Variants in PDXDC1 observed in about 807,000 individuals in gnomAD.
PDXDC1 encodes the protein pyridoxal dependent decarboxylase domain containing 1.
A neutral mutation model predicts 100.1 loss-of-function variants in PDXDC1; 42 were observed. That is an observed-to-expected ratio of 0.42 (90% CI 0.33 to 0.54). PDXDC1 has a LOEUF of 0.54. Among genes scored for constraint, PDXDC1 ranks in the 20% least tolerant of loss-of-function variants. The pLI is 0.10. For synonymous variants in PDXDC1, 260 were observed against 371.7 expected (o/e 0.70, Z 3.46); for missense variants, 636 against 979.2 (o/e 0.65, Z 4.68).
At position 15,136,071 on chromosome 16, in the gene PDXDC1, C is replaced by T. The variant is rs1016804541; in HGVS notation, c.1400-2808C>T. 151 of 1,578,460 alleles carry T rather than the reference C, an allele frequency of 9.6e-5. 1 individual carries two copies. Among genetic ancestry groups the T allele is most frequent in the South Asian group, 2.8e-4 (25 of 89,390 alleles). Reference sequence around the variant, plus strand: ...TCTCCAGGCTGAAGGCCTCGCCCTGCGGCGCTGGGCCCACCTCCACCCGCT... The same window carrying T: ...TCTCCAGGCTGAAGGCCTCGCCCTGTGGCGCTGGGCCCACCTCCACCCGCT... On this transcript the variant is annotated intron_variant, in intron 16 of 16. Coordinates refer to the PDXDC1 transcript ENST00000535621.
In PDXDC1 at chr16:15,084,818, C is replaced by G. The variant is rs1168826760; in HGVS notation, c.1400-54061C>G. 24 of 773,992 alleles carry G rather than the reference C, an allele frequency of 3.1e-5. No homozygotes were observed. The Middle Eastern group carries it at 1.1e-3, about 37-fold the overall frequency. The allele number at this position is 773,992 out of a possible 1,614,324, so 47.9% of individuals were successfully genotyped here. Reference sequence around the variant, plus strand: ...CAGTGGCTCACGCCTGTAATCCCAGCACTTTGGGAGGCCGAGGTGGGTGGA... The same window carrying G: ...CAGTGGCTCACGCCTGTAATCCCAGGACTTTGGGAGGCCGAGGTGGGTGGA... On this transcript the variant is annotated intron_variant, in intron 16 of 16. Transcript: ENST00000535621.
At chr16:15,058,508 C>T (rs1275066216) in intron 16 of PDXDC1, among the ~76,000 whole-genome samples, 1 of 152,120 alleles carries the variant, frequency 6.6e-6, no homozygotes, top group African/African-American at 2.4e-5. Context: ...GGACAGATTG[C>T]TTGAGGTTAG....
chr16:15,082,341 A>G (rs1239761387), intron 16 of PDXDC1, among the ~76,000 whole-genome samples: 1 of 151,596 alleles, frequency 6.6e-6, no homozygotes, highest in Non-Finnish European at 1.5e-5. Context: ...CCTTTGTTCT[A>G]TTGCTACAAA....
intron 16 of PDXDC1, chr16:15,128,260 A>G (rs1481218364): frequency 1.2e-6 from 2 of 1,610,942 alleles, no homozygotes; most frequent in Middle Eastern, 2.2e-4. Context: ...CACGCTACCC[A>G]GGCTGTGCGG....
chr16:15,094,986 T>C (rs2151835752), intron 16 of PDXDC1, among the ~76,000 whole-genome samples: 1 of 152,116 alleles, frequency 6.6e-6, no homozygotes. Flanking sequence ...TACAGGCGCA[T>C]GCCACCACAC....
chr16:15,050,511 C>T (rs1957101523), intron 16 of PDXDC1, among the ~76,000 whole-genome samples: 1 of 152,070 alleles, frequency 6.6e-6, no homozygotes, highest in South Asian at 2.1e-4. Flanking sequence ...GGAGGGAGGA[C>T]TGCTTGAGCC....
In PDXDC1 at chr16:15,032,998, A is replaced by T. The variant is rs772798549; in HGVS notation, c.1690+19A>T. The T allele has an allele frequency of 2.8e-6, 4 of 1,411,722 alleles. No homozygotes were observed. Among genetic ancestry groups the T allele is most frequent in the Non-Finnish European group, 3.0e-6 (3 of 995,212 alleles). 87.4% of individuals were successfully genotyped at this position (1,411,722 alleles called of 1,614,324 possible). A position where few individuals can be genotyped will look rare whatever the true frequency, so the allele number is the denominator to read the frequency against. The stretch of plus-strand genomic sequence containing the variant: ...AAAATAGGTAACTGCTTACTTTGTA[A>T]GTCAGCTGTGGGGTTTGGAAGGACA... On this transcript the variant is annotated intron_variant, in intron 18 of 22. Transcript: ENST00000396410.
intron 16 of PDXDC1, chr16:15,104,391 A>C (rs562565593): frequency 1.3e-6 from 2 of 1,596,006 alleles, no homozygotes; most frequent in African/African-American, 2.7e-5. Context: ...AAGGGGAGTG[A>C]GCAGACACAC....
chr16:15,131,506 G>T, intron 16 of PDXDC1: 3 of 1,607,894 alleles, frequency 1.9e-6, no homozygotes, highest in Non-Finnish European at 2.5e-6. Flanking sequence ...CCGCGGGTCC[G>T]AGCGCTTGCC....
At chr16:15,021,189 C>T (rs2042176173) in intron 12 of PDXDC1, among the ~76,000 whole-genome samples, 1 of 152,240 alleles carries the variant, frequency 6.6e-6, no homozygotes, top group Non-Finnish European at 1.5e-5. Context: ...CCAGCCTGGG[C>T]AATGTGGTCA....
At chr16:15,072,360 G>C (rs978921929) in intron 16 of PDXDC1, among the ~76,000 whole-genome samples, 1 of 152,100 alleles carries the variant, frequency 6.6e-6, no homozygotes, top group Non-Finnish European at 1.5e-5. Flanking sequence ...AAGAATAAAG[G>C]AAATACAGTT....
Position 15,037,358 on chromosome 16 carries a change from G to A in PDXDC1, c.*1083G>A, listed in dbSNP as rs1337940116. The A allele has an allele frequency of 6.6e-6, 1 of 152,152 alleles. No individual in the cohort carries two copies. The highest frequency in any genetic ancestry group is 1.5e-5 in the Non-Finnish European group (1 of 68,056). 9.4% of individuals were successfully genotyped at this position (152,152 alleles called of 1,614,324 possible). The stretch of plus-strand genomic sequence containing the variant: ...CAAGCTTTTGGGAGACCTGAAAATG[G>A]GAAAATTCACACTGGGTTTCTGGAC... On this transcript the variant is annotated 3_prime_UTR_variant, in exon 23 of 23. Coordinates refer to ENST00000396410, the MANE Select transcript of PDXDC1 (RefSeq NM_015027.4).
In PDXDC1 at chr16:14,978,240, G is replaced by A. The variant is rs1164244547; in HGVS notation, c.21+3020G>A. Among the ~76,000 whole-genome samples, 6 of 152,418 alleles carry A rather than the reference G, an allele frequency of 3.9e-5. No homozygotes were observed. In the East Asian group the frequency reaches 1.2e-3, roughly 29 times the overall value. On this transcript the variant is annotated intron_variant, in intron 1 of 22. Coordinates refer to ENST00000396410, the MANE Select transcript of PDXDC1 (RefSeq NM_015027.4). ...AGGGGCTTTGCCCCTGCCCCCCACTGTATGTCCAAGGCATAAGGAACAAGG... is the reference window on the plus strand; with the variant it reads ...AGGGGCTTTGCCCCTGCCCCCCACTATATGTCCAAGGCATAAGGAACAAGG...
rs569148843 is a variant in PDXDC1, at chr16:14,988,303, C to T, written c.22-9450C>T. 45 of 1,613,758 alleles carry T rather than the reference C, an allele frequency of 2.8e-5. No homozygotes were observed. In the South Asian group the frequency reaches 4.6e-4, roughly 17 times the overall value. ...TTACTCCTGCAGAGGGGCTTGGCTCCAGGCCCACAGTACTCGTTGTAGATG... is the reference window on the plus strand; with the variant it reads ...TTACTCCTGCAGAGGGGCTTGGCTCTAGGCCCACAGTACTCGTTGTAGATG... On this transcript the variant is annotated intron_variant, in intron 1 of 22. Coordinates refer to ENST00000396410, the MANE Select transcript of PDXDC1 (RefSeq NM_015027.4).
intron 1 of PDXDC1, among the ~76,000 whole-genome samples, chr16:14,984,315 C>CTTT (rs1167894912): frequency 9.4e-5 from 10 of 106,840 alleles, no homozygotes; most frequent in South Asian, 3.4e-4. Flanking sequence ...GCACCCCCGC[C>CTTT]TTTTTTTTTT....
chr16:15,104,742 G>A (rs555886202), intron 16 of PDXDC1: 300 of 1,596,662 alleles, frequency 1.9e-4, no homozygotes, highest in African/African-American at 5.2e-4. Context: ...ACGATGCTCC[G>A]CTGCCGCCAT....
chr16:15,041,401 C>G (rs1244595755), downstream of PDXDC1, among the ~76,000 whole-genome samples: 2 of 152,086 alleles, frequency 1.3e-5, no homozygotes, highest in Admixed American at 1.3e-4. Flanking sequence ...ATCCAGTGCC[C>G]TCCTTCCTGG....
chr16:15,046,880 C>CA (rs966891034), intron 16 of PDXDC1, among the ~76,000 whole-genome samples: 13 of 152,074 alleles, frequency 8.5e-5, no homozygotes, highest in African/African-American at 2.9e-4. Context: ...ATCTCAACAA[C>CA]AAAAAGAGAA....
intron 11 of PDXDC1, among the ~76,000 whole-genome samples, chr16:15,018,457 C>G (rs1277948826): frequency 6.6e-6 from 1 of 152,284 alleles, no homozygotes; most frequent in Non-Finnish European, 1.5e-5. Context: ...TATAGGTCAG[C>G]GTGCAAAATA....
Sources: gnomAD v4.1 joint callset for allele counts (sites outside exome capture counted in the v4.1 genomes callset) on GRCh38, gnomAD v4.1.1 for gene constraint, MANE v1.5 for transcripts, NCBI Gene and HGNC (gene_info 2026-07-23, HGNC 2026-07-21) for gene names.